The following DDAH1 variants were observed in gnomAD, a reference collection of about 807,000 sequenced individuals.
DDAH1 encodes dimethylarginine dimethylaminohydrolase 1.
In DDAH1, 19 loss-of-function variants were observed where a neutral mutation model predicts 28.8. That is an observed-to-expected ratio of 0.66 (90% CI 0.46 to 0.97). The LOEUF (loss-of-function observed/expected upper bound fraction) is 0.97. Ranked by LOEUF, DDAH1 falls within the 50% of genes least tolerant of loss-of-function variation. The probability of loss-of-function intolerance (pLI) is 0.00; values close to 1 mark genes in which losing one functional copy is unlikely to be tolerated. For synonymous variants in DDAH1, 153 were observed against 154.4 expected (o/e 0.99, Z 0.07); for missense variants, 326 against 375.9 (o/e 0.87, Z 1.10).
chr1:85,473,501 G>A (rs951345161), intron 2 of DDAH1, among the ~76,000 whole-genome samples: 3 of 151,854 alleles, frequency 2.0e-5, no homozygotes, highest in Middle Eastern at 3.4e-3. Context: ...ACACACACAC[G>A]CACGCGCACA....
intron 2 of DDAH1, among the ~76,000 whole-genome samples, chr1:85,477,023 T>G (rs1655826806): frequency 6.6e-6 from 1 of 152,218 alleles, no homozygotes; most frequent in Non-Finnish European, 1.5e-5. Context: ...ACCATGAGCA[T>G]GTATAATAAC....
chr1:85,355,111 A>T (rs1649423761), intron 2 of DDAH1, among the ~76,000 whole-genome samples: 1 of 152,142 alleles, frequency 6.6e-6, no homozygotes, highest in African/African-American at 2.4e-5. Context: ...AGATATTAGG[A>T]AATATAAGTA....
intron 1 of DDAH1, among the ~76,000 whole-genome samples, chr1:85,363,510 G>T (rs767266316): frequency 1.2e-4 from 19 of 152,218 alleles, no homozygotes; most frequent in Non-Finnish European, 1.9e-4. Flanking sequence ...GCTCCAGAGA[G>T]TTGAACAGTA....
exon 2 of DDAH1, chr1:85,496,183 G>A (rs922774642): frequency 3.2e-4 from 311 of 978,678 alleles, no homozygotes; most frequent in Non-Finnish European, 3.7e-4. Flanking sequence ...AAATTTAGAA[G>A]GTCTTTCTTG....
chr1:85,528,228 A>C (rs544746506), intron 1 of DDAH1, among the ~76,000 whole-genome samples: 24 of 108,342 alleles, frequency 2.2e-4, no homozygotes, highest in African/African-American at 7.6e-4. Flanking sequence ...AAATGTATAT[A>C]AAAAAAAATT....
chr1:85,343,759 A>T (rs1648658868), intron 4 of DDAH1, among the ~76,000 whole-genome samples: 1 of 152,256 alleles, frequency 6.6e-6, no homozygotes, highest in Admixed American at 6.5e-5. Flanking sequence ...AATTCCAGGC[A>T]ATAAAAAGCA....
At position 85,392,209 on chromosome 1, in the gene DDAH1, G is replaced by A. The variant is rs138041512; in HGVS notation, c.304-33362C>T. On this transcript the variant is annotated intron_variant, in intron 1 of 5. Transcript: ENST00000284031. ...GTTCCTTGCTAAGGCTATGAGGAAA[G>A]CATCTGTTCTAGGCCTCGTTCCTTG... Among the ~76,000 whole-genome samples, 279 of 152,236 alleles carry A rather than the reference G, an allele frequency of 1.8e-3. 1 individual carries two copies. The highest frequency in any genetic ancestry group is 6.5e-3 in the African/African-American group (272 of 41,546).
intron 1 of DDAH1, among the ~76,000 whole-genome samples, chr1:85,572,998 C>G (rs774896457): frequency 1.3e-5 from 2 of 152,156 alleles, no homozygotes; most frequent in Non-Finnish European, 2.9e-5. Flanking sequence ...AGAAAGTATT[C>G]TCTAGAGAAT....
chr1:85,416,342 T>C (rs996926549), intron 1 of DDAH1, among the ~76,000 whole-genome samples: 1 of 151,970 alleles, frequency 6.6e-6, no homozygotes. Context: ...ACTACAGGCA[T>C]CCACCATGAC....
At chr1:85,476,599 A>C (rs1557673614) in intron 2 of DDAH1, among the ~76,000 whole-genome samples, 1 of 151,968 alleles carries the variant, frequency 6.6e-6, no homozygotes, top group African/African-American at 2.4e-5. Flanking sequence ...TTGGCTTCCT[A>C]CAGGTGAGAA....
At chr1:85,461,999 C>T (rs1044201296) in intron 1 of DDAH1, among the ~76,000 whole-genome samples, 2 of 152,096 alleles carry the variant, frequency 1.3e-5, no homozygotes, top group Non-Finnish European at 1.5e-5. Flanking sequence ...TCAGTTTCAC[C>T]AACTTTAAAA....
intron 1 of DDAH1, among the ~76,000 whole-genome samples, chr1:85,459,211 A>G (rs918285148): frequency 5.9e-5 from 9 of 152,264 alleles, no homozygotes; most frequent in Admixed American, 3.9e-4. Context: ...TCTGAGCTTA[A>G]TAAGAATTCA....
chr1:85,546,745 T>C (rs1290223678), intron 1 of DDAH1, among the ~76,000 whole-genome samples: 2 of 152,050 alleles, frequency 1.3e-5, no homozygotes, highest in African/African-American at 2.4e-5. Context: ...TACATGACAA[T>C]AGGCAGAGCT....
chr1:85,421,381 G>T (rs1476666501), intron 1 of DDAH1, among the ~76,000 whole-genome samples: 1 of 152,160 alleles, frequency 6.6e-6, no homozygotes, highest in Non-Finnish European at 1.5e-5. Context: ...GCTTCAGTGA[G>T]GTTGCTTCAC....
At chr1:85,428,907 T>C (rs574549473) in intron 1 of DDAH1, among the ~76,000 whole-genome samples, 2 of 151,928 alleles carry the variant, frequency 1.3e-5, no homozygotes, top group Non-Finnish European at 2.9e-5. Context: ...GGAAGCAACA[T>C]GAGGAAGTGA....
intron 4 of DDAH1, among the ~76,000 whole-genome samples, chr1:85,342,903 C>T (rs896661425): frequency 3.9e-5 from 6 of 152,140 alleles, no homozygotes; most frequent in African/African-American, 1.4e-4. Context: ...CTGAGATAAA[C>T]CCAGGGTAGT....
At chr1:85,456,726 G>A (rs1231471596) in intron 1 of DDAH1, among the ~76,000 whole-genome samples, 2 of 152,160 alleles carry the variant, frequency 1.3e-5, no homozygotes. Flanking sequence ...ATAAGTTGAG[G>A]AGCATCTGTA....
chr1:85,531,226 T>C (rs2444939), intron 1 of DDAH1, among the ~76,000 whole-genome samples: 7 of 152,126 alleles, frequency 4.6e-5, no homozygotes, highest in African/African-American at 1.4e-4. Context: ...CTCTACCCCT[T>C]TCAATCCTGA....
chr1:85,364,664 C>A (rs1195649816), intron 1 of DDAH1, among the ~76,000 whole-genome samples: 1 of 152,084 alleles, frequency 6.6e-6, no homozygotes, highest in Admixed American at 6.6e-5. Context: ...TCTGCCTCAG[C>A]CTCCCGAATA....
Sources: allele counts gnomAD v4.1 joint callset (sites outside exome capture counted in the v4.1 genomes callset), GRCh38; gene constraint gnomAD v4.1.1; transcripts MANE v1.5; gene names NCBI Gene and HGNC (gene_info 2026-07-23, HGNC 2026-07-21).